VPS37A: variants seen among roughly 807,000 people sequenced by gnomAD.
VPS37A encodes VPS37A subunit of ESCRT-I.
Under a neutral mutation model 49.8 loss-of-function variants are expected in VPS37A, and 30 were observed. The observed-to-expected ratio is 0.60, with a 90% CI of 0.45 to 0.82. VPS37A has a LOEUF of 0.82. Among genes scored for constraint, VPS37A ranks in the 40% least tolerant of loss-of-function variants. VPS37A has a pLI of 0.00. For synonymous variants in VPS37A, 195 were observed against 160.6 expected, an observed-to-expected ratio of 1.21 and a Z score of -1.62; for missense variants, 593 against 464.4, an observed-to-expected ratio of 1.28 and a Z score of -2.55.
At chr8:17,257,572 A>T (rs1457855428) in intron 1 of VPS37A, among the ~76,000 whole-genome samples, 1 of 152,160 alleles carries the variant, frequency 6.6e-6, no homozygotes, top group Non-Finnish European at 1.5e-5. Context: ...CCACCATGGC[A>T]CGTGTATACC....
intron 9 of VPS37A, 25 bp from the exon 10 acceptor site, chr8:17,284,448 A>G (rs1338828836): frequency 6.4e-7 from 1 of 1,550,742 alleles, no homozygotes; most frequent in African/African-American, 1.4e-5. Flanking sequence ...CATAAATTAA[A>G]GTAGTGCCTG....
downstream of VPS37A, among the ~76,000 whole-genome samples, chr8:17,303,348 A>G (rs889308816): frequency 7.2e-5 from 11 of 152,188 alleles, no homozygotes; most frequent in Non-Finnish European, 1.5e-4. Context: ...ATTAGATTGA[A>G]ATAATTAAGA....
intron 6 of VPS37A, chr8:17,279,743 C>T (rs1248256700): frequency 2.9e-5 from 14 of 486,362 alleles, no homozygotes; most frequent in South Asian, 2.0e-4. Flanking sequence ...ACTGTGAACA[C>T]TTCCCCACGG....
At chr8:17,284,079 T>C (rs918074035) in intron 9 of VPS37A, among the ~76,000 whole-genome samples, 1 of 152,202 alleles carries the variant, frequency 6.6e-6, no homozygotes, top group Non-Finnish European at 1.5e-5. Flanking sequence ...CCTTATTCTA[T>C]TGAAATGAGT....
Position 17,247,451 on chromosome 8 carries a change from G to C in VPS37A, c.125+82G>C, listed in dbSNP as rs1585886161. ...TCCTAACCACCCTCACAGCGCCTCA[G>C]TCTGCTCCCCACCAGCTCCTCATGT... On this transcript the variant is annotated intron_variant, in intron 1 of 11. Coordinates refer to ENST00000324849, the MANE Select transcript of VPS37A (RefSeq NM_152415.3). The C allele has an allele frequency of 8.7e-6, 13 of 1,501,120 alleles. No individual in the cohort carries two copies. The East Asian group carries it at 3.2e-4, about 37-fold the overall frequency. 93.0% of individuals were successfully genotyped at this position (1,501,120 alleles called of 1,614,324 possible).
At chr8:17,269,192 A>G (rs1325617508) in intron 4 of VPS37A, among the ~76,000 whole-genome samples, 1 of 152,030 alleles carries the variant, frequency 6.6e-6, no homozygotes, top group Non-Finnish European at 1.5e-5. Flanking sequence ...TTCATTTTAG[A>G]TATTATCTGT....
chr8:17,311,751 A>C, the VPS37A span: 5 of 1,493,950 alleles, frequency 3.3e-6, no homozygotes, highest in Non-Finnish European at 4.5e-6. Flanking sequence ...AAAACGAAAC[A>C]CCTGTCCATT....
rs557848034 is a variant in VPS37A, at chr8:17,289,953, CT to C, written c.*3527del. Among the ~76,000 whole-genome samples, 25 of 152,198 alleles carry C rather than the reference CT, an allele frequency of 1.6e-4. No individual in the cohort carries two copies. In the East Asian group the frequency reaches 3.3e-3, roughly 20 times the overall value. ...AAGTTGGATTCCTAGGTATTTTATTCTCTTTGAAGCAATTGTGAATGGGAGT... is the reference window on the plus strand; with the variant it reads ...AAGTTGGATTCCTAGGTATTTTATTCCTTTGAAGCAATTGTGAATGGGAGT... On this transcript the variant is annotated intron_variant, in intron 11 of 11. Transcript: ENST00000324849.
the VPS37A span, among the ~76,000 whole-genome samples, chr8:17,320,533 G>A: frequency 1.4e-4 from 21 of 152,166 alleles, no homozygotes; most frequent in Admixed American, 2.0e-4. Context: ...ACATACAGAA[G>A]CTGATGATCT....
At chr8:17,302,129 G>C (rs1029768444), downstream of VPS37A, 1 of 1,613,802 alleles carries the variant, frequency 6.2e-7, no homozygotes, top group Non-Finnish European at 8.5e-7. Flanking sequence ...ACAGAAAATA[G>C]ATTAACAAAG....
intron 1 of VPS37A, among the ~76,000 whole-genome samples, chr8:17,252,787 G>C (rs1395499250): frequency 2.0e-5 from 3 of 152,088 alleles, no homozygotes; most frequent in Admixed American, 1.3e-4. Flanking sequence ...CTTCTTTATG[G>C]AAGGAAATAA....
chr8:17,257,655 G>A (rs1043552645), intron 1 of VPS37A, among the ~76,000 whole-genome samples: 1 of 152,096 alleles, frequency 6.6e-6, no homozygotes, highest in African/African-American at 2.4e-5. Context: ...AATTGTGATT[G>A]TTTCTATTTC....
chr8:17,304,627 C>T (rs981499574), downstream of VPS37A: 10 of 1,123,044 alleles, frequency 8.9e-6, no homozygotes, highest in South Asian at 1.5e-5. Flanking sequence ...CTGAAAACCA[C>T]GTGTCTGTTC....
chr8:17,254,236 C>T (rs1298790567), intron 1 of VPS37A, among the ~76,000 whole-genome samples: 2 of 152,000 alleles, frequency 1.3e-5, no homozygotes, highest in East Asian at 3.9e-4. Context: ...AATGACGAGT[C>T]CTTAGGTAGG....
downstream of VPS37A, among the ~76,000 whole-genome samples, chr8:17,306,444 C>T (rs1817460589): frequency 6.6e-6 from 1 of 151,756 alleles, no homozygotes. Flanking sequence ...ATTCCTAAAG[C>T]GGTTAAAGCT....
chr8:17,269,098 A>G (rs1046901446), intron 4 of VPS37A, 142 bp downstream of exon 4: 1 of 604,960 alleles, frequency 1.7e-6, no homozygotes, highest in African/African-American at 1.9e-5. Flanking sequence ...TTCAGAGGCA[A>G]CTGTTTTACT....
downstream of VPS37A, chr8:17,305,831 G>A (rs767813231): frequency 6.8e-6 from 11 of 1,613,506 alleles, no homozygotes; most frequent in Admixed American, 1.7e-4. Flanking sequence ...GATGTTGAAT[G>A]TGAATCAAAA....
At chr8:17,258,543 A>G (rs1341879589) in intron 1 of VPS37A, among the ~76,000 whole-genome samples, 2 of 152,082 alleles carry the variant, frequency 1.3e-5, no homozygotes, top group African/African-American at 4.8e-5. Context: ...TTGGTTTGCT[A>G]GTATTTTGTT....
chr8:17,251,220 G>C (rs746085352), intron 1 of VPS37A, among the ~76,000 whole-genome samples: 2 of 152,128 alleles, frequency 1.3e-5, no homozygotes, highest in African/African-American at 2.4e-5. Flanking sequence ...TTGGTTAGTG[G>C]GAGTTGGAGG....
Sources: allele counts gnomAD v4.1 joint callset (sites outside exome capture counted in the v4.1 genomes callset), GRCh38; gene constraint gnomAD v4.1.1; transcripts MANE v1.5; gene names NCBI Gene and HGNC (gene_info 2026-07-23, HGNC 2026-07-21).